ARL15: variants seen among roughly 807,000 people sequenced by gnomAD.
ARL15 encodes ADP-ribosylation factor-like protein 15.
Under a neutral mutation model 25.2 loss-of-function variants are expected in ARL15, and 19 were observed. That is an observed-to-expected ratio of 0.75 (90% CI 0.53 to 1.10). ARL15 has a LOEUF of 1.10. Among genes scored for constraint, ARL15 ranks in the 50% least tolerant of loss-of-function variants. ARL15 has a pLI of 0.00. For missense variants in ARL15, 220 were observed against 246.0 expected, an observed-to-expected ratio of 0.89 and a Z score of 0.71; for synonymous variants, 94 against 86.8, an observed-to-expected ratio of 1.08 and a Z score of -0.46.
chr5:54,133,355 G>C (rs960766194), intron 3 of ARL15, among the ~76,000 whole-genome samples: 2 of 152,182 alleles, frequency 1.3e-5, no homozygotes, highest in African/African-American at 2.4e-5. Context: ...TAGGAATACT[G>C]ACAGAGGTAC....
intron 4 of ARL15, among the ~76,000 whole-genome samples, chr5:53,952,481 C>T (rs907133911): frequency 1.3e-5 from 2 of 151,960 alleles, no homozygotes; most frequent in African/African-American, 2.4e-5. Context: ...AGCTTAGGTA[C>T]AAAACGTGCC....
intron 1 of ARL15, among the ~76,000 whole-genome samples, chr5:54,225,991 G>A (rs1003568836): frequency 2.0e-5 from 3 of 152,196 alleles, no homozygotes; most frequent in African/African-American, 7.2e-5. Context: ...TCCAGCAGAG[G>A]GAGGTGGCAC....
chr5:53,899,128 C>T (rs1031727131), intron 4 of ARL15, among the ~76,000 whole-genome samples: 1 of 151,878 alleles, frequency 6.6e-6, no homozygotes, highest in African/African-American at 2.4e-5. Flanking sequence ...GGGTGGATAG[C>T]CTGAGGTCAG....
chr5:53,944,069 G>T (rs1746634616), intron 4 of ARL15, among the ~76,000 whole-genome samples: 1 of 152,152 alleles, frequency 6.6e-6, no homozygotes, highest in Non-Finnish European at 1.5e-5. Context: ...GATAGAAAAT[G>T]AATTAAGATC....
At chr5:54,129,123 C>T (rs1415232319) in intron 3 of ARL15, among the ~76,000 whole-genome samples, 1 of 152,184 alleles carries the variant, frequency 6.6e-6, no homozygotes, top group Non-Finnish European at 1.5e-5. Flanking sequence ...CAATCCCTTC[C>T]TGATACCTTT....
At chr5:54,010,560 C>T (rs1200658958) in intron 4 of ARL15, among the ~76,000 whole-genome samples, 2 of 152,080 alleles carry the variant, frequency 1.3e-5, no homozygotes, top group South Asian at 2.1e-4. Flanking sequence ...TCTGAATAAC[C>T]GCCAGCTAAA....
In ARL15 at chr5:54,113,429, AT is replaced by A; in HGVS notation, c.254-20del. ...TCAGCCCCTGTCAAAAACAAAACAA[AT>A]TTTCGTTTTAAAAAGAGCTTTCAGC... On this transcript the variant is annotated intron_variant, in intron 3 of 4. Coordinates refer to ENST00000504924, the MANE Select transcript of ARL15 (RefSeq NM_019087.3). 1 of 1,604,750 alleles carries A rather than the reference AT, an allele frequency of 6.2e-7. No homozygotes were observed. The highest frequency in any genetic ancestry group is 8.5e-7 in the Non-Finnish European group (1 of 1,177,074).
At position 53,928,719 on chromosome 5, in the gene ARL15, GGAAGT is replaced by G. The variant is rs1421564704; in HGVS notation, c.463-42011_463-42007del. Among the ~76,000 whole-genome samples, 6 of 152,296 alleles carry G rather than the reference GGAAGT, an allele frequency of 3.9e-5. No homozygotes were observed. The East Asian group carries it at 1.2e-3, about 29-fold the overall frequency. On this transcript the variant is annotated intron_variant, in intron 4 of 4. Coordinates refer to ENST00000504924, the MANE Select transcript of ARL15 (RefSeq NM_019087.3). ...ATTTAACAAGGACATTGTTATTCCAGGAAGTGGCTGTCGGGTGATTGGTTCAAGAA... is the reference window on the plus strand; with the variant it reads ...ATTTAACAAGGACATTGTTATTCCAGGGCTGTCGGGTGATTGGTTCAAGAA...
chr5:54,125,075 G>GTTTTTTTTT (rs774608441), intron 3 of ARL15, among the ~76,000 whole-genome samples: 4 of 134,968 alleles, frequency 3.0e-5, no homozygotes, highest in African/African-American at 8.8e-5. Context: ...TTTTTGTTTT[G>GTTTTTTTTT]TTTTGTTTTG....
chr5:54,244,450 ATTTT>A (rs1757033048), intron 1 of ARL15, among the ~76,000 whole-genome samples: 1 of 152,194 alleles, frequency 6.6e-6, no homozygotes, highest in Non-Finnish European at 1.5e-5. Context: ...AAATGAATGT[ATTTT>A]AATACCACTC....
intron 4 of ARL15, among the ~76,000 whole-genome samples, chr5:53,889,321 CAG>C (rs748850026): frequency 1.3e-5 from 2 of 152,106 alleles, no homozygotes; most frequent in African/African-American, 4.8e-5. Flanking sequence ...AGACATAAAA[CAG>C]TGAAGTTCAG....
At chr5:54,241,879 G>C (rs1037299664) in intron 1 of ARL15, among the ~76,000 whole-genome samples, 4 of 152,166 alleles carry the variant, frequency 2.6e-5, no homozygotes, top group Admixed American at 6.5e-5. Context: ...GGACCAACTA[G>C]AGCAATAATT....
chr5:54,226,160 T>C (rs528700916), intron 1 of ARL15, among the ~76,000 whole-genome samples: 3 of 152,248 alleles, frequency 2.0e-5, no homozygotes, highest in African/African-American at 7.2e-5. Context: ...AGGATGCCAG[T>C]GAGCCAACAG....
intron 4 of ARL15, among the ~76,000 whole-genome samples, chr5:53,998,208 C>T (rs966153672): frequency 2.6e-5 from 4 of 151,436 alleles, no homozygotes; most frequent in Non-Finnish European, 5.9e-5. Flanking sequence ...GGACTGAGCC[C>T]TATTTCTCTC....
At chr5:54,129,470 T>C (rs878883154) in intron 3 of ARL15, among the ~76,000 whole-genome samples, 8 of 152,038 alleles carry the variant, frequency 5.3e-5, no homozygotes, top group African/African-American at 9.7e-5. Flanking sequence ...CAAGAAGAGA[T>C]AGCTACAACA....
chr5:54,108,720 C>T (rs1752654690), intron 4 of ARL15, among the ~76,000 whole-genome samples: 1 of 151,700 alleles, frequency 6.6e-6, no homozygotes, highest in Non-Finnish European at 1.5e-5. Flanking sequence ...CACAGATTGC[C>T]CAAGAATTTC....
intron 3 of ARL15, among the ~76,000 whole-genome samples, chr5:54,126,726 G>C (rs1579826054): frequency 6.6e-6 from 1 of 152,208 alleles, no homozygotes; most frequent in African/African-American, 2.4e-5. Flanking sequence ...TCTGCCACAG[G>C]ATAACACGGC....
intron 4 of ARL15, among the ~76,000 whole-genome samples, chr5:54,034,417 T>C (rs72750221): frequency 1.3e-5 from 2 of 152,192 alleles, no homozygotes; most frequent in African/African-American, 2.4e-5. Context: ...AAATTGACAA[T>C]AGAGCCAGAA....
intron 1 of ARL15, among the ~76,000 whole-genome samples, chr5:54,277,807 G>T (rs1404795552): frequency 1.3e-5 from 2 of 152,148 alleles, no homozygotes; most frequent in Admixed American, 1.3e-4. Flanking sequence ...AATTTAAAGA[G>T]TTTTTAAAGC....
Sources: gnomAD v4.1 joint callset for allele counts (sites outside exome capture counted in the v4.1 genomes callset) on GRCh38, gnomAD v4.1.1 for gene constraint, MANE v1.5 for transcripts, NCBI Gene and HGNC (gene_info 2026-07-23, HGNC 2026-07-21) for gene names.